Variants in CHAT observed in about 807,000 individuals in gnomAD.
CHAT encodes acetyl CoA:choline O-acetyltransferase.
A neutral mutation model predicts 76.9 loss-of-function variants in CHAT; 61 were observed. That is an observed-to-expected ratio of 0.79 (90% CI 0.65 to 0.98). CHAT has a LOEUF of 0.98. Ranked by LOEUF, CHAT falls within the 50% of genes least tolerant of loss-of-function variation. The pLI, the probability that CHAT is intolerant of heterozygous loss-of-function variation, is 0.00. For missense variants in CHAT, 946 were observed against 986.9 expected (o/e 0.96, Z 0.56); for synonymous variants, 407 against 397.4 (o/e 1.02, Z -0.29).
chr10:49,620,566 C>G lies in CHAT; in HGVS notation c.651C>G (p.Ala217=), dbSNP rs575515952. ...CCCTGCCTGTCAACTCCAGCCCTGC[C>G]GTGATCTTTGCTCGGCAGCACTTCC... The part of the protein sequence containing the change: ...RLALPVNSSP[A]VIFARQHFPG... Residue 217 remains alanine, a synonymous_variant, in exon 4 of 15, where the codon GCC becomes GCG. Transcript: ENST00000337653. The G allele has an allele frequency of 7.4e-6, 12 of 1,613,728 alleles. No individual in the cohort carries two copies. The highest frequency in any genetic ancestry group is 1.7e-5 in the Admixed American group (1 of 60,004).
chr10:49,662,632 C>T lies in CHAT; in HGVS notation c.1840-13C>T, dbSNP rs769649647. On this transcript the variant is annotated splice_polypyrimidine_tract_variant and intron_variant, in intron 13 of 14. Coordinates refer to ENST00000337653, the MANE Select transcript of CHAT (RefSeq NM_020549.5). ...CACTTCTCATCTCCTGTTCTTTGTC[C>T]CCAACTACACAGGCCATAACAGGGA... 1 of 1,613,858 alleles carries T rather than the reference C, an allele frequency of 6.2e-7. No homozygotes were observed. Among genetic ancestry groups the T allele is most frequent in the African/African-American group, 1.3e-5 (1 of 74,906 alleles).
chr10:49,637,373 T>C (rs906049105), intron 7 of CHAT: 2 of 152,230 alleles, frequency 1.3e-5, no homozygotes, highest in Non-Finnish European at 2.9e-5. Context: ...AACTCTGATA[T>C]GGTTTGTCTC....
chr10:49,612,333 C>G (rs1289326211), upstream of CHAT: 3 of 1,583,868 alleles, frequency 1.9e-6, no homozygotes, highest in South Asian at 3.4e-5. Context: ...ACTACACCCG[C>G]AGCTAGCATC....
chr10:49,612,402 C>T (rs781140940), upstream of CHAT: 36 of 1,494,204 alleles, frequency 2.4e-5, no homozygotes, highest in Non-Finnish European at 3.2e-5. Flanking sequence ...TCTGCAAGCC[C>T]ACTGGCCAGC....
intron 8 of CHAT, chr10:49,646,988 C>CGAG: frequency 2.2e-6 from 1 of 455,870 alleles, no homozygotes; most frequent in Non-Finnish European, 4.1e-6. Flanking sequence ...GCCCATTTCC[C>CGAG]ATCACCCATC....
In CHAT at chr10:49,655,135, A is replaced by G. The variant is rs202040717; in HGVS notation, c.1675A>G (p.Ile559Val). 3.1e-6 allele frequency: 5 copies of G among 1,613,896 alleles called. No homozygotes were observed. The highest frequency in any genetic ancestry group is 1.3e-5 in the African/African-American group (1 of 74,882). ...GGTGCCCACCTACGAGAGCGCGTCC[A>G]TCCGCCGATTCCAGGAGGGACGCGT... ...RLVPTYESAS[I>V]RRFQEGRVDN... The change falls in exon 12 of 15, where the codon ATC (isoleucine) becomes GTC (valine). Residue 559 changes from isoleucine (I) to valine (V), a missense_variant. Physicochemically the swap from Ile to Val is conservative, Grantham distance 29. Coordinates refer to ENST00000337653, the MANE Select transcript of CHAT (RefSeq NM_020549.5).
Position 49,634,766 on chromosome 10 carries a change from C to T in CHAT, c.1111+6981C>T, listed in dbSNP as rs181912926. 4.3e-3 allele frequency among the ~76,000 whole-genome samples: 650 copies of T among 152,182 alleles called. 3 individuals are homozygous for T. Among genetic ancestry groups the T allele is most frequent in the African/African-American group, 0.015 (616 of 41,518 alleles). On this transcript the variant is annotated intron_variant, in intron 7 of 14. Coordinates refer to ENST00000337653, the MANE Select transcript of CHAT (RefSeq NM_020549.5). ...TGCCTTTCTCCCCCACCATCCTTTC[C>T]CCCAGTTCTGGAAGCCTGACAGCTC...
chr10:49,627,352 A>C lies in CHAT; in HGVS notation c.934-256A>C, dbSNP rs1284022675. Among the ~76,000 whole-genome samples, 5 of 152,376 alleles carry C rather than the reference A, an allele frequency of 3.3e-5. No individual in the cohort carries two copies. The South Asian group carries it at 1.0e-3, about 32-fold the overall frequency. On this transcript the variant is annotated intron_variant, in intron 6 of 14. Transcript: ENST00000337653. ...AATTTATATTCCATTCCCCACAAAC[A>C]TAATGGATTCCGTGAACCATGAAAC... is the stretch of plus-strand genomic sequence containing the variant.
chr10:49,626,295 G>A (rs1241138328), intron 6 of CHAT, among the ~76,000 whole-genome samples: 1 of 152,190 alleles, frequency 6.6e-6, no homozygotes, highest in Non-Finnish European at 1.5e-5. Context: ...TGAGCATGAG[G>A]GCTCCTGACC....
At chr10:49,661,576 C>T (rs186997758) in intron 13 of CHAT, among the ~76,000 whole-genome samples, 1 of 152,242 alleles carries the variant, frequency 6.6e-6, no homozygotes, top group Admixed American at 6.5e-5. Flanking sequence ...AAACCTATAC[C>T]AAGTTCATTG....
chr10:49,662,087 C>A (rs1840210824), intron 13 of CHAT, among the ~76,000 whole-genome samples: 1 of 152,180 alleles, frequency 6.6e-6, no homozygotes, highest in South Asian at 2.1e-4. Flanking sequence ...GAAATAGCAG[C>A]CAAGATTCAG....
At chr10:49,658,609 T>C (rs752391121) in intron 13 of CHAT, among the ~76,000 whole-genome samples, 3 of 152,198 alleles carry the variant, frequency 2.0e-5, no homozygotes, top group Admixed American at 6.5e-5. Context: ...CTAGGGAGGC[T>C]GAGGCAGGAG....
rs1172943207 is a variant in CHAT at position 49,619,908 on chromosome 10, G to T, written c.571G>T (p.Ala191Ser). Residue 191 changes from alanine (A) to serine (S), a missense_variant, in exon 3 of 15, where the codon GCC becomes TCC. Transcript: ENST00000337653. ...QKLLERQEKT[A>S]NWVSEYWLND... ...ACTCCTGGAGCGGCAGGAGAAGACA[G>T]CCAACTGGGTAAGAGGGGCAGACAA... The T allele has an allele frequency of 6.2e-7, 1 of 1,611,444 alleles. No individual in the cohort carries two copies. Among genetic ancestry groups the T allele is most frequent in the South Asian group, 1.1e-5 (1 of 90,252 alleles).
At chr10:49,626,560 G>A (rs562852944) in intron 6 of CHAT, among the ~76,000 whole-genome samples, 215 of 152,186 alleles carry the variant, frequency 1.4e-3, no homozygotes, top group Non-Finnish European at 2.7e-3. Flanking sequence ...GGCCATCTAG[G>A]AGCTCTCGCA....
chr10:49,647,535 T>C (rs1839711567), intron 8 of CHAT, among the ~76,000 whole-genome samples: 1 of 152,260 alleles, frequency 6.6e-6, no homozygotes, highest in Admixed American at 6.5e-5. Context: ...TCTCTGTCCC[T>C]ACATTCTGCA....
upstream of CHAT, chr10:49,611,422 G>T (rs1391546879): frequency 1.0e-5 from 16 of 1,597,714 alleles, no homozygotes; most frequent in Non-Finnish European, 1.3e-5. Context: ...AAGCCTAGTG[G>T]CCCCGCCCTT....
Position 49,665,970 on chromosome 10 carries a change from T to C in CHAT, c.*924T>C, listed in dbSNP as rs1840332107. ...AGTAGGTGAAGAGAGATGGTTACTT[T>C]GGGTTTTTCCATTATCTGTTTTGTT... On this transcript the variant is annotated 3_prime_UTR_variant, in exon 15 of 15. Coordinates refer to ENST00000337653, the MANE Select transcript of CHAT (RefSeq NM_020549.5). 6.6e-6 allele frequency among the ~76,000 whole-genome samples: 1 copy of C among 152,238 alleles called. No individual in the cohort carries two copies. The highest frequency in any genetic ancestry group is 2.1e-4 in the South Asian group (1 of 4,832).
Position 49,622,137 on chromosome 10 carries a change from G to T in CHAT, c.739G>T (p.Ala247Ser), listed in dbSNP as rs1278440636. ...CATCTCTGGTGTACTCAGCTACAAG[G>T]CCCTGCTGGACAGGTAGGACTGGGA... ...SLISGVLSYK[A>S]LLDSHSIPTD... The change falls in exon 5 of 15, where the codon GCC (alanine) becomes TCC (serine). Residue 247 changes from alanine (A) to serine (S), a missense_variant. Physicochemically the swap from Ala to Ser is moderately conservative, Grantham distance 99. This residue lies in a region of CHAT where 548 missense variants were observed against 516.2 expected (regional missense o/e 1.06). Coordinates refer to ENST00000337653, the MANE Select transcript of CHAT (RefSeq NM_020549.5). 1 of 1,613,822 alleles carries T rather than the reference G, an allele frequency of 6.2e-7. No homozygotes were observed. Among genetic ancestry groups the T allele is most frequent in the East Asian group, 2.2e-5 (1 of 44,870 alleles).
intron 2 of CHAT, among the ~76,000 whole-genome samples, chr10:49,617,066 T>C (rs1007744953): frequency 2.0e-4 from 31 of 152,044 alleles, no homozygotes; most frequent in African/African-American, 7.5e-4. Flanking sequence ...TGGGCAGGCA[T>C]CCTCCCTCCC....
Sources: gnomAD v4.1 joint callset for allele counts (sites outside exome capture counted in the v4.1 genomes callset) on GRCh38, gnomAD v4.1.1 for gene constraint, gnomAD v4.1.1 regional missense constraint, MANE v1.5 for transcripts, NCBI Gene and HGNC (gene_info 2026-07-23, HGNC 2026-07-21) for gene names.